Variants in PTPRD observed in about 807,000 individuals in gnomAD.
The protein encoded by PTPRD is receptor-type tyrosine-protein phosphatase delta.
PTPRD carries 34 observed loss-of-function variants against 214.5 expected under a neutral mutation model. The ratio of observed to expected loss-of-function variants is 0.16; its 90% CI spans 0.12 to 0.21. The LOEUF is 0.21. Ranked by LOEUF, PTPRD falls within the 10% of genes least tolerant of loss-of-function variation. The probability of loss-of-function intolerance (pLI) is 1.00; values close to 1 mark genes in which losing one functional copy is unlikely to be tolerated. For synonymous variants in PTPRD, 1,128 were observed against 845.7 expected (o/e 1.33, Z -5.79); for missense variants, 2,545 against 2,398.7 (o/e 1.06, Z -1.27).
intron 5 of PTPRD, among the ~76,000 whole-genome samples, chr9:9,887,477 G>A (rs2071399903): frequency 6.6e-6 from 1 of 152,102 alleles, no homozygotes; most frequent in Admixed American, 6.5e-5. Flanking sequence ...ACTTGTGTAG[G>A]ACCACACATT....
At chr9:8,379,906 A>C (rs1442459186) in intron 37 of PTPRD, among the ~76,000 whole-genome samples, 1 of 152,120 alleles carries the variant, frequency 6.6e-6, no homozygotes, top group Non-Finnish European at 1.5e-5. Flanking sequence ...CTCTGTTTCC[A>C]GGACCAAAGT....
chr9:9,581,353 G>C (rs1362493747), intron 7 of PTPRD, among the ~76,000 whole-genome samples: 1 of 151,938 alleles, frequency 6.6e-6, no homozygotes, highest in African/African-American at 2.4e-5. Context: ...AATGATTTTG[G>C]CATAGGTTAT....
intron 5 of PTPRD, among the ~76,000 whole-genome samples, chr9:9,839,409 C>G (rs1397449762): frequency 6.6e-6 from 1 of 152,124 alleles, no homozygotes; most frequent in African/African-American, 2.4e-5. Context: ...ACACCAATAA[C>G]AGACAAACAG....
At chr9:8,503,267 C>A (rs1397855051) in intron 23 of PTPRD, among the ~76,000 whole-genome samples, 1 of 152,070 alleles carries the variant, frequency 6.6e-6, no homozygotes, top group Non-Finnish European at 1.5e-5. Flanking sequence ...TCACAAATTT[C>A]ATGTTTGCTG....
At chr9:8,364,764 T>C (rs534190725) in intron 39 of PTPRD, among the ~76,000 whole-genome samples, 6 of 152,370 alleles carry the variant, frequency 3.9e-5, no homozygotes, top group African/African-American at 1.4e-4. Context: ...GTAGCCTCAC[T>C]GACCAAATTG....
At chr9:9,126,793 T>A (rs939987250) in intron 10 of PTPRD, among the ~76,000 whole-genome samples, 3 of 152,242 alleles carry the variant, frequency 2.0e-5, no homozygotes, top group African/African-American at 7.2e-5. Flanking sequence ...CATTTGTTGT[T>A]GTGCATTTGT....
In PTPRD at chr9:8,908,030, A is replaced by C. The variant is rs116210522; in HGVS notation, c.-104+110667T>G. Among the ~76,000 whole-genome samples the C allele has an allele frequency of 5.1e-3, 776 of 152,250 alleles. 5 individuals are homozygous for C. Among genetic ancestry groups the C allele is most frequent in the African/African-American group, 0.017 (696 of 41,556 alleles). ...CACACAGTTGAAATCTTAAAAATAA[A>C]GAGAAAATCTTGAAAGCAGGAAGAG... On this transcript the variant is annotated intron_variant, in intron 11 of 45. Coordinates refer to ENST00000381196, the MANE Select transcript of PTPRD (RefSeq NM_002839.4).
At chr9:9,841,212 G>A (rs935518370) in intron 5 of PTPRD, among the ~76,000 whole-genome samples, 1 of 152,000 alleles carries the variant, frequency 6.6e-6, no homozygotes, top group Non-Finnish European at 1.5e-5. Flanking sequence ...AGTGGTAGTG[G>A]GGTTAACAGA....
chr9:8,679,074 A>G lies in PTPRD; in HGVS notation c.65-42230T>C, dbSNP rs978115496. On this transcript the variant is annotated intron_variant, in intron 12 of 45. Coordinates refer to ENST00000381196, the MANE Select transcript of PTPRD (RefSeq NM_002839.4). The stretch of plus-strand genomic sequence containing the variant: ...ACATAGAGGGTTGGGATGGAAACCG[A>G]TAAGAAATGGAAGGTGGTAGTACAG... 2.0e-5 allele frequency among the ~76,000 whole-genome samples: 3 copies of G among 152,304 alleles called. No individual in the cohort carries two copies. In the East Asian group the frequency reaches 5.8e-4, roughly 29 times the overall value.
chr9:10,236,664 G>A (rs1327506637), intron 3 of PTPRD, among the ~76,000 whole-genome samples: 1 of 151,698 alleles, frequency 6.6e-6, no homozygotes, highest in African/African-American at 2.4e-5. Flanking sequence ...GAAACTGTAG[G>A]CATTTAGGAT....
At position 8,508,873 on chromosome 9, in the gene PTPRD, A is replaced by ATG. The variant is rs1491033261; in HGVS notation, c.1544-1440_1544-1439insCA. Among the ~76,000 whole-genome samples the ATG allele has an allele frequency of 5.7e-4, 55 of 96,474 alleles. 1 individual carries two copies. The East Asian group carries it at 7.0e-3, about 12-fold the overall frequency. 63.3% of individuals were successfully genotyped at this position (96,474 alleles called of 152,430 possible). A position where few individuals can be genotyped will look rare whatever the true frequency, so the allele number is the denominator to read the frequency against. On this transcript the variant is annotated intron_variant, in intron 21 of 45. Transcript: ENST00000381196. ...CTCTGGTAAGTCAGCCTGTGTATAT[A>ATG]TATGTGTGTGTGTGTGTCTGTGTGT...
At chr9:8,765,927 G>T (rs961607217) in intron 11 of PTPRD, among the ~76,000 whole-genome samples, 1 of 152,034 alleles carries the variant, frequency 6.6e-6, no homozygotes, top group African/African-American at 2.4e-5. Context: ...TAACCAAAAT[G>T]ATTTCTAAGA....
At chr9:9,824,712 A>C (rs1028970936) in intron 5 of PTPRD, among the ~76,000 whole-genome samples, 3 of 152,030 alleles carry the variant, frequency 2.0e-5, no homozygotes, top group African/African-American at 7.2e-5. Flanking sequence ...CTGAAAAATT[A>C]AACAGGTAAT....
chr9:10,269,499 G>C lies in PTPRD; in HGVS notation c.-545+71464C>G, dbSNP rs192819707. ...CTTTCATCATTATACAACCACCTGA[G>C]GAAAGAAAACCCTTTGATTTCTAAG... On this transcript the variant is annotated intron_variant, in intron 3 of 45. Transcript: ENST00000381196. 1.8e-3 allele frequency among the ~76,000 whole-genome samples: 281 copies of C among 152,116 alleles called. 1 individual carries two copies. The highest frequency in any genetic ancestry group is 3.1e-3 in the Admixed American group (47 of 15,282).
At chr9:8,783,301 T>C (rs1281836657) in intron 11 of PTPRD, among the ~76,000 whole-genome samples, 1 of 152,206 alleles carries the variant, frequency 6.6e-6, no homozygotes, top group Non-Finnish European at 1.5e-5. Context: ...GAGTTATTAA[T>C]TTCCCACAAA....
chr9:9,260,259 C>T (rs1340530129), intron 9 of PTPRD, among the ~76,000 whole-genome samples: 2 of 151,806 alleles, frequency 1.3e-5, no homozygotes, highest in African/African-American at 4.8e-5. Flanking sequence ...AAGCCCTGAA[C>T]TTGAAATATG....
intron 3 of PTPRD, among the ~76,000 whole-genome samples, chr9:10,321,196 CT>C (rs1191352226): frequency 1.3e-5 from 2 of 151,972 alleles, no homozygotes; most frequent in African/African-American, 4.8e-5. Flanking sequence ...ATGATAATAA[CT>C]ACTCCAAAGG....
intron 7 of PTPRD, among the ~76,000 whole-genome samples, chr9:9,721,606 G>C: frequency 6.6e-6 from 1 of 152,094 alleles, no homozygotes; most frequent in South Asian, 2.1e-4. Context: ...TGCTACGGGA[G>C]TTAAATGAAC....
At chr9:9,415,895 C>T (rs890080258) in intron 8 of PTPRD, among the ~76,000 whole-genome samples, 2 of 152,206 alleles carry the variant, frequency 1.3e-5, no homozygotes, top group East Asian at 1.9e-4. Context: ...ACTTCTTTTC[C>T]AGGGAGGACA....
Sources: allele counts gnomAD v4.1 joint callset (sites outside exome capture counted in the v4.1 genomes callset), GRCh38; gene constraint gnomAD v4.1.1; transcripts MANE v1.5; gene names NCBI Gene and HGNC (gene_info 2026-07-23, HGNC 2026-07-21).